Variants in ZSWIM1 observed in about 807,000 individuals in gnomAD.
The protein encoded by ZSWIM1 is zinc finger SWIM-type containing 1.
In ZSWIM1, 22 loss-of-function variants were observed where a neutral mutation model predicts 29.3. The ratio of observed to expected loss-of-function variants is 0.75; its 90% CI spans 0.54 to 1.07. The LOEUF is 1.07. Ranked by LOEUF, ZSWIM1 falls within the 50% of genes least tolerant of loss-of-function variation. The pLI, the probability that ZSWIM1 is intolerant of heterozygous loss-of-function variation, is 0.00. For missense variants in ZSWIM1, 511 were observed against 596.2 expected (o/e 0.86, Z 1.49); for synonymous variants, 228 against 240.8 (o/e 0.95, Z 0.49).
At chr20:45,882,450 A>C in intron 1 of ZSWIM1, 83 bp from the exon 2 acceptor site, 1 of 949,084 alleles carries the variant, frequency 1.1e-6, no homozygotes, top group Non-Finnish European at 1.6e-6. Flanking sequence ...GACATATAGT[A>C]AGTGTTCAAC....
In ZSWIM1 at chr20:45,883,007, T is replaced by C; in HGVS notation, c.415T>C (p.Trp139Arg). Residue 139 changes from tryptophan to arginine, a missense_variant, in exon 2 of 2, where the codon TGG (tryptophan) becomes CGG (arginine). By Grantham distance (101) the Trp-to-Arg change is moderately radical (BLOSUM62 -3). Coordinates refer to ENST00000372523, the MANE Select transcript of ZSWIM1 (RefSeq NM_080603.5). ...FQVFKKFNPA[W>R]ERVCTILVDP... Reference sequence around the variant, plus strand: ...AGTATTCAAGAAGTTTAATCCAGCATGGGAGAGAGTCTGTACCATCCTGGT... The same window carrying C: ...AGTATTCAAGAAGTTTAATCCAGCACGGGAGAGAGTCTGTACCATCCTGGT... 6.2e-7 allele frequency: 1 copy of C among 1,614,190 alleles called. No homozygotes were observed. Among genetic ancestry groups the C allele is most frequent in the Non-Finnish European group, 8.5e-7 (1 of 1,180,032 alleles).
In ZSWIM1 at chr20:45,883,712, G is replaced by A. The variant is rs1442761738; in HGVS notation, c.1120G>A (p.Val374Met). 7 of 1,613,968 alleles carry A rather than the reference G, an allele frequency of 4.3e-6. No homozygotes were observed. In the South Asian group the frequency reaches 7.7e-5, roughly 18 times the overall value. ...ACAGATCCTGGAAGATACCCATAAGGTGCAGCCCCAGCCCCCTGCCAGCTG... is the reference window on the plus strand; with the variant it reads ...ACAGATCCTGGAAGATACCCATAAGATGCAGCCCCAGCCCCCTGCCAGCTG... ...NIQILEDTHK[V>M]QPQPPASCSC... The change falls in exon 2 of 2, where the codon GTG becomes ATG. Residue 374 changes from valine to methionine, a missense_variant. By Grantham distance (21) the Val-to-Met change is conservative. Transcript: ENST00000372523.
In ZSWIM1 at chr20:45,883,608, C is replaced by T; in HGVS notation, c.1016C>T (p.Ala339Val). The change falls in exon 2 of 2, where the codon GCC becomes GTC. Residue 339 changes from alanine to valine, a missense_variant. By Grantham distance (64) the Ala-to-Val change is moderately conservative. Coordinates refer to ENST00000372523, the MANE Select transcript of ZSWIM1 (RefSeq NM_080603.5). ...SLNAICTGPA[A>V]QLCLGELAVV... is the part of the protein sequence containing the mutation. ...AATGCCATCTGCACAGGGCCAGCAG[C>T]CCAACTGTGCCTGGGCGAGCTTGCT... The T allele has an allele frequency of 4.3e-6, 7 of 1,614,224 alleles. No individual in the cohort carries two copies. Among genetic ancestry groups the T allele is most frequent in the Non-Finnish European group, 5.9e-6 (7 of 1,180,048 alleles).
rs1342252691 is a variant in ZSWIM1, at chr20:45,883,298, A to G, written c.706A>G (p.Asn236Asp). ...LPELHSHWLL[N>D]DRIWLAHRWR... ...CGAGCTTCACTCACACTGGCTGCTCAACGACCGCATCTGGCTGGCTCACCG... is the reference window on the plus strand; with the variant it reads ...CGAGCTTCACTCACACTGGCTGCTCGACGACCGCATCTGGCTGGCTCACCG... Residue 236 changes from asparagine to aspartate, a missense_variant, in exon 2 of 2, where the codon AAC becomes GAC. By Grantham distance (23) the Asn-to-Asp change is conservative (BLOSUM62 1). Transcript: ENST00000372523. 3.1e-6 allele frequency: 5 copies of G among 1,614,050 alleles called. No homozygotes were observed. The highest frequency in any genetic ancestry group is 4.2e-6 in the Non-Finnish European group (5 of 1,180,032).
chr20:45,884,171 C>A lies in ZSWIM1; in HGVS notation c.*121C>A. The A allele has an allele frequency of 1.4e-6, 2 of 1,385,020 alleles. No homozygotes were observed. Among genetic ancestry groups the A allele is most frequent in the Non-Finnish European group, 2.0e-6 (2 of 1,023,106 alleles). 85.8% of individuals were successfully genotyped at this position (1,385,020 alleles called of 1,614,324 possible). A position where few individuals can be genotyped will look rare whatever the true frequency, so the allele number is the denominator to read the frequency against. ...CCTTACACTGTTGTACTTCCGTGGG[C>A]CCTCCTTCCAGAACAAGGACAACAA... On this transcript the variant is annotated 3_prime_UTR_variant, in exon 2 of 2. Coordinates refer to ENST00000372523, the MANE Select transcript of ZSWIM1 (RefSeq NM_080603.5).
At position 45,883,524 on chromosome 20, in the gene ZSWIM1, C is replaced by T; in HGVS notation, c.932C>T (p.Thr311Ile). Residue 311 changes from threonine (T) to isoleucine (I), a missense_variant, in exon 2 of 2, where the codon ACC (threonine) becomes ATC (isoleucine). By Grantham distance (89) the Thr-to-Ile change is moderately conservative (BLOSUM62 -1). Coordinates refer to ENST00000372523, the MANE Select transcript of ZSWIM1 (RefSeq NM_080603.5). ...CAGAACAATCATGCTCCCTCAGACA[C>T]CATCCCCGAAAGCCCCAAACTGGAG... ...CAQNNHAPSD[T>I]IPESPKLEQL... 6.2e-7 allele frequency: 1 copy of T among 1,614,206 alleles called. No homozygotes were observed. The highest frequency in any genetic ancestry group is 1.3e-5 in the African/African-American group (1 of 75,038).
chr20:45,882,705 T>C lies in ZSWIM1; in HGVS notation c.113T>C (p.Leu38Pro). 6.2e-7 allele frequency: 1 copy of C among 1,614,224 alleles called. No homozygotes were observed. Among genetic ancestry groups the C allele is most frequent in the Non-Finnish European group, 8.5e-7 (1 of 1,180,032 alleles). Residue 38 changes from leucine (L) to proline (P), a missense_variant, in exon 2 of 2, where the codon CTC becomes CCC. Coordinates refer to ENST00000372523, the MANE Select transcript of ZSWIM1 (RefSeq NM_080603.5). ...SPMALTMLNG[L>P]LIKDSSPPML... ...ATGGCCCTGACAATGCTGAATGGGC[T>C]CCTGATTAAGGACTCAAGCCCACCT...
At chr20:45,882,472 G>A in intron 1 of ZSWIM1, 61 bp from the exon 2 acceptor site, 1 of 1,195,852 alleles carries the variant, frequency 8.4e-7, no homozygotes, top group African/African-American at 1.5e-5. Context: ...AATATTGTGT[G>A]GATGAATAAT....
chr20:45,882,501 C>T, intron 1 of ZSWIM1, 32 bp from the exon 2 acceptor site: 1 of 1,472,594 alleles, frequency 6.8e-7, no homozygotes, highest in Non-Finnish European at 9.1e-7. Flanking sequence ...CAGGTCCCTG[C>T]TGTCTCCTTA....
chr20:45,883,938 A>G lies in ZSWIM1; in HGVS notation c.1346A>G (p.Glu449Gly). The change falls in exon 2 of 2, where the codon GAG becomes GGG. Residue 449 changes from glutamate to glycine, a missense_variant. Glu to Gly is a moderately conservative substitution (Grantham distance 98, BLOSUM62 -2). Coordinates refer to ENST00000372523, the MANE Select transcript of ZSWIM1 (RefSeq NM_080603.5). ...CTGGCAGTGACTCACCTCACCGAGG[A>G]GGTGGGTCAGCTGTTGCAGCACTGC... Reference protein sequence around the residue: ...KHLAVTHLTEEVGQLLQHCTK... With the variant: ...KHLAVTHLTEGVGQLLQHCTK... The G allele has an allele frequency of 1.2e-6, 2 of 1,614,168 alleles. No homozygotes were observed. The highest frequency in any genetic ancestry group is 1.7e-6 in the Non-Finnish European group (2 of 1,180,036).
Position 45,883,568 on chromosome 20 carries a change from A to G in ZSWIM1, c.976A>G (p.Ile326Val), listed in dbSNP as rs1222699949. Residue 326 changes from isoleucine to valine, a missense_variant, in exon 2 of 2, where the codon ATC becomes GTC. Coordinates refer to ENST00000372523, the MANE Select transcript of ZSWIM1 (RefSeq NM_080603.5). The stretch of plus-strand genomic sequence containing the variant: ...ACTGGAGCAGCTGGTAGAATCCCAC[A>G]TCCAGCACTCCCTCAATGCCATCTG... ...PKLEQLVESH[I>V]QHSLNAICTG... 5 of 1,614,102 alleles carry G rather than the reference A, an allele frequency of 3.1e-6. No homozygotes were observed. The highest frequency in any genetic ancestry group is 4.2e-6 in the Non-Finnish European group (5 of 1,180,054).
Position 45,882,702 on chromosome 20 carries a change from G to C in ZSWIM1, c.110G>C (p.Gly37Ala). 1 of 1,614,188 alleles carries C rather than the reference G, an allele frequency of 6.2e-7. No homozygotes were observed. Among genetic ancestry groups the C allele is most frequent in the Non-Finnish European group, 8.5e-7 (1 of 1,180,038 alleles). ...ISPMALTMLN[G>A]LLIKDSSPPM... The stretch of plus-strand genomic sequence containing the variant: ...CCCATGGCCCTGACAATGCTGAATG[G>C]GCTCCTGATTAAGGACTCAAGCCCA... Residue 37 changes from glycine (G) to alanine (A), a missense_variant, in exon 2 of 2, where the codon GGG becomes GCG. Transcript: ENST00000372523.
intron 1 of ZSWIM1, among the ~76,000 whole-genome samples, 192 bp from the exon 2 acceptor site, chr20:45,882,341 A>G (rs577969309): frequency 6.6e-6 from 1 of 152,258 alleles, no homozygotes; most frequent in South Asian, 2.1e-4. Flanking sequence ...ACTCTCTGAC[A>G]TGTTACTCAG....
rs755435826 is a variant in ZSWIM1, at chr20:45,883,304, C to T, written c.712C>T (p.Arg238Cys). ...ELHSHWLLND[R>C]IWLAHRWRSR... ...TCACTCACACTGGCTGCTCAACGAC[C>T]GCATCTGGCTGGCTCACCGCTGGAG... The change falls in exon 2 of 2, where the codon CGC becomes TGC. Residue 238 changes from arginine to cysteine, a missense_variant. Transcript: ENST00000372523. The T allele has an allele frequency of 5.6e-6, 9 of 1,613,918 alleles. No individual in the cohort carries two copies. The highest frequency in any genetic ancestry group is 1.6e-4 in the Middle Eastern group (1 of 6,084).
At position 45,882,987 on chromosome 20, in the gene ZSWIM1, T is replaced by G; in HGVS notation, c.395T>G (p.Phe132Cys). 1 of 1,614,188 alleles carries G rather than the reference T, an allele frequency of 6.2e-7. No homozygotes were observed. Among genetic ancestry groups the G allele is most frequent in the Non-Finnish European group, 8.5e-7 (1 of 1,180,036 alleles). The change falls in exon 2 of 2, where the codon TTC becomes TGC. Residue 132 changes from phenylalanine to cysteine, a missense_variant. Coordinates refer to ENST00000372523, the MANE Select transcript of ZSWIM1 (RefSeq NM_080603.5). ...TEGLAQMFQV[F>C]KKFNPAWERV... is the part of the protein sequence containing the mutation. ...GGCCTGGCCCAGATGTTCCAAGTAT[T>G]CAAGAAGTTTAATCCAGCATGGGAG...
rs1986427924 is a variant in ZSWIM1 at position 45,884,801 on chromosome 20, AG to A, written c.*753del. On this transcript the variant is annotated 3_prime_UTR_variant, in exon 2 of 2. Coordinates refer to ENST00000372523, the MANE Select transcript of ZSWIM1 (RefSeq NM_080603.5). ...TGAGGTGGACAGATGACTTGAGGTC[AG>A]GAGTTCAAGACCAGCCTGGCCAACA... The A allele has an allele frequency of 6.0e-6, 1 of 166,772 alleles. No individual in the cohort carries two copies. Among genetic ancestry groups the A allele is most frequent in the South Asian group, 2.1e-4 (1 of 4,824 alleles). 10.3% of individuals were successfully genotyped at this position (166,772 alleles called of 1,614,324 possible).
intron 1 of ZSWIM1, among the ~76,000 whole-genome samples, chr20:45,882,258 C>T (rs1986287347): frequency 6.6e-6 from 1 of 152,212 alleles, no homozygotes; most frequent in African/African-American, 2.4e-5. Flanking sequence ...GATTTCAGCT[C>T]CAATGTCATC....
Position 45,883,542 on chromosome 20 carries a change from A to T in ZSWIM1, c.950A>T (p.Lys317Ile), listed in dbSNP as rs771085713. The change falls in exon 2 of 2, where the codon AAA (lysine) becomes ATA (isoleucine). Residue 317 changes from lysine to isoleucine, a missense_variant. Physicochemically the swap from Lys to Ile is moderately radical, Grantham distance 102. Transcript: ENST00000372523. ...TCAGACACCATCCCCGAAAGCCCCA[A>T]ACTGGAGCAGCTGGTAGAATCCCAC... ...APSDTIPESP[K>I]LEQLVESHIQ... 5 of 1,614,070 alleles carry T rather than the reference A, an allele frequency of 3.1e-6. No homozygotes were observed. In the East Asian group the frequency reaches 8.9e-5, roughly 29 times the overall value.
Position 45,883,182 on chromosome 20 carries a change from C to T in ZSWIM1, c.590C>T (p.Ser197Phe). Residue 197 changes from serine to phenylalanine, a missense_variant, in exon 2 of 2, where the codon TCC (serine) becomes TTC (phenylalanine). Transcript: ENST00000372523. ...CCCGTGGAAAGGCTGCTCCTGACCT[C>T]CCTGCAGAGCACAATGTGCTCAGCC... ...ERPVERLLLT[S>F]LQSTMCSATA... 4.3e-6 allele frequency: 7 copies of T among 1,613,974 alleles called. No individual in the cohort carries two copies. Among genetic ancestry groups the T allele is most frequent in the Non-Finnish European group, 5.9e-6 (7 of 1,180,028 alleles).
Sources: gnomAD v4.1 joint callset for allele counts (sites outside exome capture counted in the v4.1 genomes callset) on GRCh38, gnomAD v4.1.1 for gene constraint, MANE v1.5 for transcripts, NCBI Gene and HGNC (gene_info 2026-07-23, HGNC 2026-07-21) for gene names.